LYZ: variants seen among roughly 807,000 people sequenced by gnomAD.
LYZ encodes the protein lysozyme C.
A neutral mutation model predicts 15.8 loss-of-function variants in LYZ; 18 were observed. That is an observed-to-expected ratio of 1.14 (90% confidence interval 0.79 to 1.69). LYZ has a LOEUF of 1.69. LYZ is among the 40% of genes most tolerant of loss of function. LYZ has a pLI of 0.00. For missense variants in LYZ, 139 were observed against 182.8 expected, an observed-to-expected ratio of 0.76 and a Z score of 1.38; for synonymous variants, 60 against 61.7, an observed-to-expected ratio of 0.97 and a Z score of 0.13.
intron 1 of LYZ, 109 bp from the exon 2 acceptor site, chr12:69,349,999 A>T: frequency 1.1e-6 from 1 of 883,128 alleles, no homozygotes; most frequent in Non-Finnish European, 1.9e-6. Flanking sequence ...AAATCTTTAT[A>T]CTTATAAAAC....
chr12:69,349,929 A>C (rs573367009), intron 1 of LYZ, among the ~76,000 whole-genome samples, 179 bp from the exon 2 acceptor site: 1 of 152,356 alleles, frequency 6.6e-6, no homozygotes, highest in South Asian at 2.1e-4. Context: ...TTTGCATTAC[A>C]AAAGGATTCT....
chr12:69,353,033 G>A (rs529704381), intron 3 of LYZ, 120 bp from the exon 4 acceptor site: 9 of 764,928 alleles, frequency 1.2e-5, no homozygotes, highest in Non-Finnish European at 2.1e-5. Context: ...CAATAGCTGG[G>A]TCTATCTTAC....
Position 69,353,350 on chromosome 12 carries a change from T to C in LYZ, c.*131T>C. The C allele has an allele frequency of 1.3e-6, 1 of 769,746 alleles. No homozygotes were observed. Among genetic ancestry groups the C allele is most frequent in the South Asian group, 1.4e-5 (1 of 71,190 alleles). 47.7% of individuals were successfully genotyped at this position (769,746 alleles called of 1,614,324 possible). ...TTTTTACAGAAGCAGGAGCAAAATA[T>C]GGCCTTTCTTCTAAGAGATATAATG... is the stretch of plus-strand genomic sequence containing the variant. On this transcript the variant is annotated 3_prime_UTR_variant, in exon 4 of 4. Transcript: ENST00000261267.
At position 69,348,445 on chromosome 12, in the gene LYZ, T is replaced by C. The variant is rs1258653226; in HGVS notation, c.37T>C (p.Ser13Pro). 1.9e-6 allele frequency: 3 copies of C among 1,614,196 alleles called. No homozygotes were observed. The highest frequency in any genetic ancestry group is 1.7e-4 in the Middle Eastern group (1 of 6,060). Residue 13 changes from serine (S) to proline (P), a missense_variant, in exon 1 of 4, where the codon TCT (serine) becomes CCT (proline). Coordinates refer to ENST00000261267, the MANE Select transcript of LYZ (RefSeq NM_000239.3). ...CATTGTTCTGGGGCTTGTCCTCCTT[T>C]CTGTTACGGTCCAGGGCAAGGTCTT... ...ALIVLGLVLL[S>P]VTVQGKVFER...
intron 2 of LYZ, 149 bp downstream of exon 2, chr12:69,350,421 C>T (rs1874817836): frequency 3.9e-6 from 3 of 760,848 alleles, no homozygotes; most frequent in Non-Finnish European, 6.5e-6. Flanking sequence ...TCATAATTCC[C>T]TGAGTAAGAA....
At chr12:69,350,824 T>C (rs978716544) in intron 2 of LYZ, among the ~76,000 whole-genome samples, 2 of 141,962 alleles carry the variant, frequency 1.4e-5, no homozygotes, top group Admixed American at 7.6e-5. Context: ...AGGGTCTCCC[T>C]GTCCCCAGGC....
rs760486480 is a variant in LYZ, at chr12:69,350,238, A to G, written c.267A>G (p.Pro89=). Reference sequence around the variant, plus strand: ...ACTGGTGTAATGATGGCAAAACCCCAGGAGCAGTTAATGCCTGTCATTTAT... The same window carrying G: ...ACTGGTGTAATGATGGCAAAACCCCGGGAGCAGTTAATGCCTGTCATTTAT... The part of the protein sequence containing the change: ...SRYWCNDGKT[P]GAVNACHLSC... Residue 89 remains proline (P), a synonymous_variant, in exon 2 of 4, where the codon CCA becomes CCG. Transcript: ENST00000261267. 1 of 1,614,174 alleles carries G rather than the reference A, an allele frequency of 6.2e-7. No homozygotes were observed. Among genetic ancestry groups the G allele is most frequent in the Admixed American group, 1.7e-5 (1 of 60,028 alleles).
chr12:69,350,559 C>T (rs1592840208), intron 2 of LYZ: 1 of 357,706 alleles, frequency 2.8e-6, no homozygotes, highest in Non-Finnish European at 5.2e-6. Context: ...CTCCTGCTTA[C>T]TTTGGGGAGG....
intron 2 of LYZ, 81 bp from the exon 3 acceptor site, chr12:69,352,139 C>T: frequency 1.1e-6 from 1 of 886,270 alleles, no homozygotes; most frequent in African/African-American, 1.7e-5. Flanking sequence ...TTTCCACAGC[C>T]TAACAGAAAA....
chr12:69,349,970 G>A (rs1874804035), intron 1 of LYZ, 138 bp from the exon 2 acceptor site: 2 of 722,098 alleles, frequency 2.8e-6, no homozygotes, highest in Admixed American at 4.6e-5. Flanking sequence ...ACACTAAAGT[G>A]CTAAGATATT....
At chr12:69,350,405 T>C in intron 2 of LYZ, 133 bp downstream of exon 2, 1 of 858,886 alleles carries the variant, frequency 1.2e-6, no homozygotes, top group Non-Finnish European at 1.9e-6. Context: ...GTCATTATTA[T>C]TTTCCTCATA....
In LYZ at chr12:69,350,166, T is replaced by C. The variant is rs1289209113; in HGVS notation, c.195T>C (p.Ala65=). ...GYNTRATNYN[A]GDRSTDYGIF... is the part of the protein sequence containing the mutation. ...ACACACGAGCTACAAACTACAATGC[T>C]GGAGACAGAAGCACTGATTATGGGA... The change falls in exon 2 of 4, where the codon GCT becomes GCC. Residue 65 remains alanine, a synonymous_variant. Coordinates refer to ENST00000261267, the MANE Select transcript of LYZ (RefSeq NM_000239.3). 4 of 1,614,028 alleles carry C rather than the reference T, an allele frequency of 2.5e-6. No individual in the cohort carries two copies. Among genetic ancestry groups the C allele is most frequent in the East Asian group, 2.2e-5 (1 of 44,878 alleles).
chr12:69,352,900 C>G (rs1382005391), intron 3 of LYZ, among the ~76,000 whole-genome samples: 1 of 152,066 alleles, frequency 6.6e-6, no homozygotes, highest in Admixed American at 6.5e-5. Context: ...ATGTGGAATT[C>G]ACTTTGCAGT....
In LYZ at chr12:69,354,189, A is replaced by G. The variant is rs1243626644; in HGVS notation, c.*970A>G. 1 of 152,282 alleles carries G rather than the reference A, an allele frequency of 6.6e-6. No individual in the cohort carries two copies. Among genetic ancestry groups the G allele is most frequent in the Non-Finnish European group, 1.5e-5 (1 of 68,048 alleles). 9.4% of individuals were successfully genotyped at this position (152,282 alleles called of 1,614,324 possible). A position where few individuals can be genotyped will look rare whatever the true frequency, so the allele number is the denominator to read the frequency against. ...ATTAATCACAAATGTGAAGTTATGC[A>G]TGATGTAAAAAATACAAACATTCTA... On this transcript the variant is annotated 3_prime_UTR_variant, in exon 4 of 4. Coordinates refer to ENST00000261267, the MANE Select transcript of LYZ (RefSeq NM_000239.3).
chr12:69,353,033 GTCTA>G, intron 3 of LYZ, 116 bp from the exon 4 acceptor site: 2 of 765,046 alleles, frequency 2.6e-6, no homozygotes, highest in East Asian at 2.6e-5. Context: ...CAATAGCTGG[GTCTA>G]TCTTACTATT....
chr12:69,350,473 T>C (rs1341813132), intron 2 of LYZ: 2 of 571,108 alleles, frequency 3.5e-6, no homozygotes, highest in East Asian at 6.3e-5. Context: ...TTTTTTAATA[T>C]ACAGAAGTTT....
At position 69,353,516 on chromosome 12, in the gene LYZ, T is replaced by G. The variant is rs1874893013; in HGVS notation, c.*297T>G. ...TCCGTTCTTTTTTTTTTTGAGACAG[T>G]CTCGCTCTGTCGCCCAGGCTGGAGT... On this transcript the variant is annotated 3_prime_UTR_variant, in exon 4 of 4. Coordinates refer to ENST00000261267, the MANE Select transcript of LYZ (RefSeq NM_000239.3). 2.5e-6 allele frequency: 1 copy of G among 396,732 alleles called. No individual in the cohort carries two copies. Among genetic ancestry groups the G allele is most frequent in the Non-Finnish European group, 4.7e-6 (1 of 213,232 alleles). 24.6% of individuals were successfully genotyped at this position (396,732 alleles called of 1,614,324 possible).
At chr12:69,352,016 T>G (rs945768327) in intron 2 of LYZ, among the ~76,000 whole-genome samples, 2 of 152,172 alleles carry the variant, frequency 1.3e-5, no homozygotes, top group African/African-American at 4.8e-5. Flanking sequence ...TCCAATGACT[T>G]TGGTAAATGA....
At chr12:69,348,677 T>C in intron 1 of LYZ, 133 bp downstream of exon 1, 1 of 1,112,648 alleles carries the variant, frequency 9.0e-7, no homozygotes. Flanking sequence ...TTACAATGGC[T>C]AAAAACATCA....
Sources: gnomAD v4.1 joint callset for allele counts (sites outside exome capture counted in the v4.1 genomes callset) on GRCh38, gnomAD v4.1.1 for gene constraint, MANE v1.5 for transcripts, NCBI Gene and HGNC (gene_info 2026-07-23, HGNC 2026-07-21) for gene names.